PTBP2: variants seen among roughly 807,000 people sequenced by gnomAD.
PTBP2 encodes polypyrimidine tract-binding protein 2.
Under a neutral mutation model 61.4 loss-of-function variants are expected in PTBP2, and 13 were observed. The observed-to-expected ratio is 0.21, with a 90% CI of 0.14 to 0.34. PTBP2 has a LOEUF of 0.34. PTBP2 is among the 10% of genes least tolerant of loss of function. The pLI is 1.00. For synonymous variants in PTBP2, 215 were observed against 218.5 expected, an observed-to-expected ratio of 0.98 and a Z score of 0.14; for missense variants, 405 against 642.6, an observed-to-expected ratio of 0.63 and a Z score of 4.00.
At chr1:96,810,023 A>T (rs1233413465) in intron 11 of PTBP2, among the ~76,000 whole-genome samples, 2 of 152,266 alleles carry the variant, frequency 1.3e-5, no homozygotes, top group East Asian at 1.9e-4. Flanking sequence ...ACACAAAAAA[A>T]TTTTTTTGAA....
chr1:96,798,629 C>A (rs1660634641), intron 8 of PTBP2, among the ~76,000 whole-genome samples: 1 of 151,950 alleles, frequency 6.6e-6, no homozygotes, highest in South Asian at 2.1e-4. Flanking sequence ...GTAAGGGGAA[C>A]CTAAGGAGAC....
chr1:96,761,320 T>C (rs1195360715), intron 3 of PTBP2, among the ~76,000 whole-genome samples: 1 of 150,014 alleles, frequency 6.7e-6, no homozygotes, highest in Non-Finnish European at 1.5e-5. Flanking sequence ...TGAGTCCATG[T>C]AGCAGGGGCC....
intron 8 of PTBP2, among the ~76,000 whole-genome samples, chr1:96,803,586 G>A (rs1661232403): frequency 6.6e-6 from 1 of 151,886 alleles, no homozygotes; most frequent in Non-Finnish European, 1.5e-5. Context: ...CAAAAACTTA[G>A]GTTAAGGTTT....
chr1:96,781,803 A>G (rs1403874504), intron 7 of PTBP2, among the ~76,000 whole-genome samples: 4 of 152,024 alleles, frequency 2.6e-5, no homozygotes, highest in African/African-American at 9.7e-5. Flanking sequence ...TGAAAATCAG[A>G]AGTCATAGTA....
chr1:96,777,772 C>T, intron 6 of PTBP2, 23 bp downstream of exon 6: 1 of 1,558,484 alleles, frequency 6.4e-7, no homozygotes, highest in South Asian at 1.2e-5. Context: ...TGCATAATTA[C>T]CTATAAATTA....
chr1:96,751,365 T>C, intron 2 of PTBP2, 60 bp from the exon 3 acceptor site: 1 of 1,284,932 alleles, frequency 7.8e-7, no homozygotes. Context: ...GTGAAAGGCT[T>C]TTAGATTAAT....
At chr1:96,775,880 A>C (rs1180249662) in intron 5 of PTBP2, among the ~76,000 whole-genome samples, 1 of 152,228 alleles carries the variant, frequency 6.6e-6, no homozygotes, top group Admixed American at 6.5e-5. Context: ...ATAGAGAACA[A>C]TGAATAGTAT....
intron 2 of PTBP2, among the ~76,000 whole-genome samples, chr1:96,745,912 C>G (rs1294725935): frequency 6.6e-6 from 1 of 151,572 alleles, no homozygotes; most frequent in Non-Finnish European, 1.5e-5. Context: ...CTAAAAATAC[C>G]ATAATTAGCG....
At chr1:96,800,676 G>A (rs1170201820) in intron 8 of PTBP2, among the ~76,000 whole-genome samples, 1 of 152,140 alleles carries the variant, frequency 6.6e-6, no homozygotes, top group Admixed American at 6.5e-5. Flanking sequence ...AGAAACAGCA[G>A]TGAGCCATGA....
chr1:96,819,926 T>C (rs533373705), downstream of PTBP2: 100 of 152,036 alleles, frequency 6.6e-4, no homozygotes, highest in African/African-American at 2.3e-3. Flanking sequence ...CTGATTCATA[T>C]AGTCATGATT....
intron 3 of PTBP2, among the ~76,000 whole-genome samples, chr1:96,755,274 G>T (rs1655027371): frequency 6.6e-6 from 1 of 152,094 alleles, no homozygotes; most frequent in Non-Finnish European, 1.5e-5. Flanking sequence ...TTAGGGAAAT[G>T]AAAATTAAAA....
At chr1:96,734,903 C>CTTTTTTTTTTTTTT (rs369053938) in intron 2 of PTBP2, among the ~76,000 whole-genome samples, 6 of 124,962 alleles carry the variant, frequency 4.8e-5, no homozygotes, top group Non-Finnish European at 8.2e-5. Context: ...CTTTTTTTTT[C>CTTTTTTTTTTTTTT]TTTTTTTTTT....
intron 8 of PTBP2, among the ~76,000 whole-genome samples, chr1:96,803,265 G>C (rs1039078384): frequency 6.6e-6 from 1 of 152,034 alleles, no homozygotes; most frequent in African/African-American, 2.4e-5. Flanking sequence ...AGAATAAAAG[G>C]GGATGAAACG....
intron 3 of PTBP2, among the ~76,000 whole-genome samples, chr1:96,762,835 G>A (rs868098224): frequency 4.6e-5 from 7 of 151,552 alleles, no homozygotes; most frequent in Admixed American, 1.3e-4. Flanking sequence ...GGCGGCTGCT[G>A]GGCGGAGGGA....
intron 2 of PTBP2, among the ~76,000 whole-genome samples, chr1:96,734,518 A>T (rs938023146): frequency 6.6e-6 from 1 of 151,906 alleles, no homozygotes; most frequent in Non-Finnish European, 1.5e-5. Flanking sequence ...AGCAAATTTA[A>T]CAGGTCGTTA....
intron 2 of PTBP2, among the ~76,000 whole-genome samples, chr1:96,726,074 CAAAAAAAAAAAAAAA>C (rs762152365): frequency 9.2e-5 from 5 of 54,190 alleles, no homozygotes; most frequent in African/African-American, 1.5e-4. Flanking sequence ...GACTCTATCT[CAAAAAAAAAAAAAAA>C]AAAAAAAAAA....
intron 8 of PTBP2, among the ~76,000 whole-genome samples, chr1:96,794,222 C>CA (rs1660138833): frequency 6.6e-6 from 1 of 152,064 alleles, no homozygotes; most frequent in Admixed American, 6.6e-5. Context: ...TTTTTAAGGC[C>CA]AAACAGCCTA....
chr1:96,726,802 C>T (rs1650614599), intron 2 of PTBP2, among the ~76,000 whole-genome samples: 2 of 152,082 alleles, frequency 1.3e-5, no homozygotes, highest in South Asian at 4.2e-4. Context: ...CCAGGATGGT[C>T]TTGATCTCTT....
downstream of PTBP2, chr1:96,820,013 A>AAC (rs968729527): frequency 6.6e-6 from 1 of 151,884 alleles, no homozygotes; most frequent in Admixed American, 6.6e-5. Flanking sequence ...TTTATAGTGT[A>AAC]ATATATATAT....
Sources: allele counts gnomAD v4.1 joint callset (sites outside exome capture counted in the v4.1 genomes callset), GRCh38; gene constraint gnomAD v4.1.1; transcripts MANE v1.5; gene names NCBI Gene and HGNC (gene_info 2026-07-23, HGNC 2026-07-21).